The following IQGAP2 variants were observed in gnomAD, a reference collection of about 807,000 sequenced individuals.
IQGAP2 encodes ras GTPase-activating-like protein IQGAP2.
In IQGAP2, 173 loss-of-function variants were observed where a neutral mutation model predicts 201.3. The ratio of observed to expected loss-of-function variants is 0.86; its 90% CI spans 0.76 to 0.98. The LOEUF is 0.98. Ranked by LOEUF, IQGAP2 falls within the 50% of genes least tolerant of loss-of-function variation. The pLI is 0.00. For missense variants in IQGAP2, 1,687 were observed against 1,864.8 expected (o/e 0.90, Z 1.76); for synonymous variants, 675 against 673.9 (o/e 1.00, Z -0.03).
At position 76,475,518 on chromosome 5, in the gene IQGAP2, A is replaced by T. The variant is rs148196118; in HGVS notation, c.146+13849A>T. On this transcript the variant is annotated intron_variant, in intron 2 of 35. Transcript: ENST00000274364. ...TCCCACATTCTCTTTCAAAGGCTTT[A>T]TCTACCAAAGATCGAGACCCACCAG... Among the ~76,000 whole-genome samples, 109 of 152,288 alleles carry T rather than the reference A, an allele frequency of 7.2e-4. 1 individual carries two copies. The East Asian group carries it at 0.017, about 24-fold the overall frequency.
At chr5:76,418,560 C>T (rs553836472) in intron 1 of IQGAP2, among the ~76,000 whole-genome samples, 7 of 148,274 alleles carry the variant, frequency 4.7e-5, no homozygotes, top group Non-Finnish European at 7.4e-5. Context: ...ATTAGCTGTA[C>T]TCTAGCCTGG....
chr5:76,610,341 A>G (rs572854733), intron 12 of IQGAP2, among the ~76,000 whole-genome samples: 1 of 151,146 alleles, frequency 6.6e-6, no homozygotes, highest in East Asian at 1.9e-4. Flanking sequence ...GATGCTCAAA[A>G]TCATTAGTCA....
chr5:76,529,425 C>T (rs1346795099), intron 2 of IQGAP2, among the ~76,000 whole-genome samples: 1 of 151,842 alleles, frequency 6.6e-6, no homozygotes, highest in African/African-American at 2.4e-5. Context: ...GTCAGGAGTT[C>T]GAGATCAGCC....
chr5:76,610,114 ATTTTTTTTTTTTTTTTTTTT>A (rs34917876), intron 12 of IQGAP2, among the ~76,000 whole-genome samples: 1 of 9,894 alleles, frequency 1.0e-4, no homozygotes, highest in East Asian at 6.9e-3. Flanking sequence ...ATATATATAT[ATTTTTTTTTTTTTTTTTTTT>A]TTTTTTTTTG....
At chr5:76,589,229 G>A (rs917463790) in intron 6 of IQGAP2, among the ~76,000 whole-genome samples, 1 of 150,712 alleles carries the variant, frequency 6.6e-6, no homozygotes, top group African/African-American at 2.5e-5. Context: ...GGAGAATGGC[G>A]TGAACCTGGG....
At chr5:76,584,272 G>A (rs552553620) in intron 5 of IQGAP2, among the ~76,000 whole-genome samples, 1 of 152,132 alleles carries the variant, frequency 6.6e-6, no homozygotes, top group Non-Finnish European at 1.5e-5. Flanking sequence ...CAAGATCATT[G>A]AGCACAGCTG....
intron 2 of IQGAP2, among the ~76,000 whole-genome samples, chr5:76,486,410 A>T (rs1428472127): frequency 6.6e-6 from 1 of 152,168 alleles, no homozygotes; most frequent in Non-Finnish European, 1.5e-5. Flanking sequence ...CATGTATTAG[A>T]TTATAATGTT....
At chr5:76,575,579 T>C (rs1745416245) in intron 4 of IQGAP2, 114 bp from the exon 5 acceptor site, 2 of 531,300 alleles carry the variant, frequency 3.8e-6, no homozygotes. Context: ...GAGGTTCCTC[T>C]ATATTTAAAT....
At position 76,640,963 on chromosome 5, in the gene IQGAP2, A is replaced by G. The variant is rs559779834; in HGVS notation, c.1954A>G (p.Ile652Val). Residue 652 changes from isoleucine (I) to valine (V), a missense_variant, in exon 17 of 36, where the codon ATT (isoleucine) becomes GTT (valine). Ile to Val is a conservative substitution (Grantham distance 29, BLOSUM62 3). Coordinates refer to ENST00000274364, the MANE Select transcript of IQGAP2 (RefSeq NM_006633.5). Reference sequence around the variant, plus strand: ...TATTGAGGAAGTCACAGTAGGTTACATTCGTGAGAATATATGGTCTGCTTC... The same window carrying G: ...TATTGAGGAAGTCACAGTAGGTTACGTTCGTGAGAATATATGGTCTGCTTC... ...DIIEEVTVGY[I>V]RENIWSASEE... The G allele has an allele frequency of 6.2e-7, 1 of 1,600,726 alleles. No homozygotes were observed. Among genetic ancestry groups the G allele is most frequent in the Admixed American group, 1.7e-5 (1 of 59,804 alleles).
chr5:76,478,075 T>C (rs1473107206), intron 2 of IQGAP2, among the ~76,000 whole-genome samples: 1 of 152,166 alleles, frequency 6.6e-6, no homozygotes, highest in Admixed American at 6.6e-5. Context: ...TTTCTTTTTC[T>C]TTTTTTGAGA....
intron 1 of IQGAP2, among the ~76,000 whole-genome samples, chr5:76,438,338 C>A (rs1752835923): frequency 6.6e-6 from 1 of 152,084 alleles, no homozygotes; most frequent in South Asian, 2.1e-4. Flanking sequence ...TCCAGGAATT[C>A]ATCCATTTCC....
intron 1 of IQGAP2, among the ~76,000 whole-genome samples, chr5:76,416,138 G>A (rs1054051415): frequency 9.2e-5 from 14 of 152,188 alleles, no homozygotes; most frequent in African/African-American, 3.4e-4. Context: ...TCAACAGGAG[G>A]TGCTAGATGC....
At chr5:76,682,848 G>A (rs1031032600) in intron 28 of IQGAP2, among the ~76,000 whole-genome samples, 1 of 152,190 alleles carries the variant, frequency 6.6e-6, no homozygotes, top group Non-Finnish European at 1.5e-5. Context: ...GAAGCACAGA[G>A]ATCAGGTGGT....
intron 2 of IQGAP2, among the ~76,000 whole-genome samples, chr5:76,526,711 T>C (rs1051946028): frequency 1.3e-5 from 2 of 152,198 alleles, no homozygotes; most frequent in African/African-American, 4.8e-5. Context: ...TGATTGTTTC[T>C]AGAAGGGGCG....
At chr5:76,500,250 A>C (rs1757202443) in intron 2 of IQGAP2, among the ~76,000 whole-genome samples, 1 of 152,242 alleles carries the variant, frequency 6.6e-6, no homozygotes, top group Non-Finnish European at 1.5e-5. Context: ...GTAATTAAAA[A>C]TGAATGCAGA....
chr5:76,530,464 T>G (rs952939615), intron 2 of IQGAP2, among the ~76,000 whole-genome samples: 2 of 152,250 alleles, frequency 1.3e-5, no homozygotes, highest in Non-Finnish European at 2.9e-5. Flanking sequence ...CCAGGAATTT[T>G]TTCCTAATTT....
intron 5 of IQGAP2, among the ~76,000 whole-genome samples, chr5:76,588,024 C>G (rs752377966): frequency 6.6e-6 from 1 of 150,542 alleles, no homozygotes; most frequent in Non-Finnish European, 1.5e-5. Context: ...ACTAATCATA[C>G]ATTTTAAGAG....
chr5:76,674,497 C>T lies in IQGAP2; in HGVS notation c.3315C>T (p.Tyr1105=), dbSNP rs760921856. The T allele has an allele frequency of 6.2e-7, 1 of 1,613,382 alleles. No individual in the cohort carries two copies. Among genetic ancestry groups the T allele is most frequent in the South Asian group, 1.1e-5 (1 of 91,070 alleles). ...ELLKIVGNLL[Y]YRYMNPAIVA... ...TCCAGATTGTTGGAAACCTCCTGTA[C>T]TATCGGTACATGAATCCAGCCATTG... The change falls in exon 27 of 36, where the codon TAC becomes TAT. Residue 1105 remains tyrosine, a synonymous_variant. Transcript: ENST00000274364.
At chr5:76,694,474 C>T (rs1163034344) in intron 31 of IQGAP2, among the ~76,000 whole-genome samples, 1 of 152,212 alleles carries the variant, frequency 6.6e-6, no homozygotes, top group East Asian at 1.9e-4. Context: ...AACTATACCT[C>T]TGCACCTCCT....
Sources: allele counts gnomAD v4.1 joint callset (sites outside exome capture counted in the v4.1 genomes callset), GRCh38; gene constraint gnomAD v4.1.1; transcripts MANE v1.5; gene names NCBI Gene and HGNC (gene_info 2026-07-23, HGNC 2026-07-21).